The following DSCAM variants were observed in gnomAD, a reference collection of about 807,000 sequenced individuals.
DSCAM encodes cell adhesion molecule DSCAM.
In DSCAM, 47 loss-of-function variants were observed where a neutral mutation model predicts 217.7. The observed-to-expected ratio is 0.22, with a 90% CI of 0.17 to 0.28. DSCAM has a LOEUF of 0.28. Ranked by LOEUF, DSCAM falls within the 10% of genes least tolerant of loss-of-function variation. The probability of loss-of-function intolerance (pLI) is 1.00; values close to 1 mark genes in which losing one functional copy is unlikely to be tolerated. For synonymous variants in DSCAM, 1,056 were observed against 1,015.3 expected (o/e 1.04, Z -0.76); for missense variants, 2,080 against 2,618.3 (o/e 0.79, Z 4.49).
chr21:40,832,024 T>C (rs1178611276), intron 1 of DSCAM, among the ~76,000 whole-genome samples: 2 of 152,222 alleles, frequency 1.3e-5, no homozygotes, highest in Non-Finnish European at 2.9e-5. Context: ...AAAGTGCTAT[T>C]CTCAAATCAC....
chr21:40,223,659 C>A (rs139729512), intron 11 of DSCAM, among the ~76,000 whole-genome samples: 1 of 152,056 alleles, frequency 6.6e-6, no homozygotes, highest in Non-Finnish European at 1.5e-5. Context: ...TCATCAATAG[C>A]GGTTGTTAAC....
At chr21:40,086,695 T>C (rs1261320331) in intron 22 of DSCAM, among the ~76,000 whole-genome samples, 3 of 152,206 alleles carry the variant, frequency 2.0e-5, no homozygotes, top group Non-Finnish European at 2.9e-5. Flanking sequence ...ATAATTACTA[T>C]GGAGTATGGA....
chr21:40,647,483 T>G (rs913011054), intron 3 of DSCAM, among the ~76,000 whole-genome samples: 3 of 150,398 alleles, frequency 2.0e-5, no homozygotes, highest in African/African-American at 7.3e-5. Context: ...TATGCCAGTT[T>G]TTATGGTTAT....
Position 40,308,341 on chromosome 21 carries a change from G to C in DSCAM, c.2062+3740C>G, listed in dbSNP as rs551471662. On this transcript the variant is annotated intron_variant, in intron 9 of 32. Coordinates refer to ENST00000400454, the MANE Select transcript of DSCAM (RefSeq NM_001389.5). ...TAGAGTAACCCTTATGCTGGGGATA[G>C]ATTAGTCCTACTCCTAGGGTGTGGC... 5.9e-5 allele frequency among the ~76,000 whole-genome samples: 9 copies of C among 152,248 alleles called. No homozygotes were observed. The East Asian group carries it at 1.4e-3, about 23-fold the overall frequency.
intron 1 of DSCAM, among the ~76,000 whole-genome samples, chr21:40,827,314 TA>T (rs2091976624): frequency 6.6e-6 from 1 of 151,086 alleles, no homozygotes; most frequent in Non-Finnish European, 1.5e-5. Flanking sequence ...GCAAAAAAAT[TA>T]AAAATTAGCT....
chr21:40,331,335 C>T (rs1011913047), intron 8 of DSCAM, among the ~76,000 whole-genome samples: 5 of 152,126 alleles, frequency 3.3e-5, no homozygotes, highest in Non-Finnish European at 5.9e-5. Flanking sequence ...TCCACCTAGG[C>T]GAGATGACAT....
chr21:40,668,021 G>C (rs1044141860), intron 3 of DSCAM, among the ~76,000 whole-genome samples: 1 of 152,122 alleles, frequency 6.6e-6, no homozygotes, highest in Non-Finnish European at 1.5e-5. Flanking sequence ...TTATCTGGAA[G>C]TAGAAGGCCC....
chr21:40,198,532 C>T (rs552865258), intron 11 of DSCAM, among the ~76,000 whole-genome samples: 7 of 152,316 alleles, frequency 4.6e-5, no homozygotes, highest in South Asian at 4.1e-4. Flanking sequence ...CCACCCTGCC[C>T]GGTCATCCTC....
intron 3 of DSCAM, among the ~76,000 whole-genome samples, chr21:40,651,478 C>T (rs926088): frequency 0.4 from 60,455 of 151,984 alleles, 12,465 homozygotes; most frequent in East Asian, 0.62. Flanking sequence ...ATTTGCAAAC[C>T]GTATATATTC....
intron 3 of DSCAM, among the ~76,000 whole-genome samples, chr21:40,675,753 A>G (rs1450997724): frequency 6.6e-6 from 1 of 152,236 alleles, no homozygotes; most frequent in Admixed American, 6.5e-5. Flanking sequence ...CTGAACCTTC[A>G]CAGAGGTTCT....
Position 40,170,284 on chromosome 21 carries a change from C to T in DSCAM, c.2948-2996G>A, listed in dbSNP as rs142118459. Among the ~76,000 whole-genome samples the T allele has an allele frequency of 7.9e-5, 12 of 152,286 alleles. No individual in the cohort carries two copies. The East Asian group carries it at 1.5e-3, about 20-fold the overall frequency. On this transcript the variant is annotated intron_variant, in intron 15 of 32. Coordinates refer to ENST00000400454, the MANE Select transcript of DSCAM (RefSeq NM_001389.5). ...TCCCTGTAGTGTGCATATATGTTTGCGTGTCTGTCTTTGCATGTCTCTGGT... is the reference window on the plus strand; with the variant it reads ...TCCCTGTAGTGTGCATATATGTTTGTGTGTCTGTCTTTGCATGTCTCTGGT...
chr21:40,030,154 T>A (rs1453032725), intron 32 of DSCAM, among the ~76,000 whole-genome samples: 1 of 152,210 alleles, frequency 6.6e-6, no homozygotes, highest in Non-Finnish European at 1.5e-5. Flanking sequence ...ACTGCACTGC[T>A]CTGCGTTCCA....
intron 14 of DSCAM, among the ~76,000 whole-genome samples, chr21:40,181,590 T>G (rs953436794): frequency 6.6e-6 from 1 of 151,938 alleles, no homozygotes; most frequent in African/African-American, 2.4e-5. Context: ...CTGTGTTATC[T>G]CCAAGTTCAA....
At position 40,583,112 on chromosome 21, in the gene DSCAM, A is replaced by C. The variant is rs2076918081; in HGVS notation, c.508+109698T>G. On this transcript the variant is annotated intron_variant, in intron 3 of 32. Coordinates refer to ENST00000400454, the MANE Select transcript of DSCAM (RefSeq NM_001389.5). ...TTCAGAATTCAGGCAAGTACAAAGT[A>C]GAATCACAAAAGGATGTTTAGAAAA... Among the ~76,000 whole-genome samples, 3 of 152,228 alleles carry C rather than the reference A, an allele frequency of 2.0e-5. No homozygotes were observed. In the South Asian group the frequency reaches 6.2e-4, roughly 32 times the overall value.
chr21:40,663,793 A>G (rs1250208019), intron 3 of DSCAM, among the ~76,000 whole-genome samples: 1 of 152,142 alleles, frequency 6.6e-6, no homozygotes, highest in Non-Finnish European at 1.5e-5. Flanking sequence ...CTCCTGTCAG[A>G]GTTTCTGGAC....
intron 3 of DSCAM, among the ~76,000 whole-genome samples, chr21:40,539,137 G>A (rs187833702): frequency 2.0e-5 from 3 of 152,238 alleles, no homozygotes; most frequent in Non-Finnish European, 4.4e-5. Context: ...TGTGGTTGGG[G>A]AGGCCGAGAG....
At chr21:40,725,070 G>A (rs1041307583) in intron 1 of DSCAM, among the ~76,000 whole-genome samples, 2 of 151,654 alleles carry the variant, frequency 1.3e-5, no homozygotes, top group African/African-American at 2.4e-5. Flanking sequence ...CTGGTCCCTC[G>A]AATTTACCAG....
intron 10 of DSCAM, among the ~76,000 whole-genome samples, chr21:40,280,037 G>T (rs1233181291): frequency 6.6e-6 from 1 of 151,856 alleles, no homozygotes; most frequent in Non-Finnish European, 1.5e-5. Flanking sequence ...TACATGATAG[G>T]TTGATGGGTG....
In DSCAM at chr21:40,012,945, T is replaced by G; in HGVS notation, c.*89A>C. 1 of 994,190 alleles carries G rather than the reference T, an allele frequency of 1.0e-6. No individual in the cohort carries two copies. Among genetic ancestry groups the G allele is most frequent in the Non-Finnish European group, 1.3e-6 (1 of 748,040 alleles). 61.6% of individuals were successfully genotyped at this position (994,190 alleles called of 1,614,324 possible). ...AATATATTTTGGCAATTTTCTTTAA[T>G]TATAAATATTGGAATTCCGTAAAAA... On this transcript the variant is annotated 3_prime_UTR_variant, in exon 33 of 33. Coordinates refer to ENST00000400454, the MANE Select transcript of DSCAM (RefSeq NM_001389.5).
Sources: allele counts gnomAD v4.1 joint callset (sites outside exome capture counted in the v4.1 genomes callset), GRCh38; gene constraint gnomAD v4.1.1; transcripts MANE v1.5; gene names NCBI Gene and HGNC (gene_info 2026-07-23, HGNC 2026-07-21).